The following TBC1D22A variants were observed in gnomAD, a reference collection of about 807,000 sequenced individuals.
The protein encoded by TBC1D22A is putative GTPase activator.
In TBC1D22A, 38 loss-of-function variants were observed where a neutral mutation model predicts 60.2. The observed-to-expected ratio is 0.63, with a 90% confidence interval of 0.49 to 0.83. TBC1D22A has a LOEUF of 0.83. Ranked by LOEUF, TBC1D22A falls within the 40% of genes least tolerant of loss-of-function variation. The pLI is 0.00. For synonymous variants in TBC1D22A, 302 were observed against 281.7 expected (o/e 1.07, Z -0.72); for missense variants, 628 against 701.0 (o/e 0.90, Z 1.18).
chr22:47,090,752 T>G (rs1020740570), intron 11 of TBC1D22A, among the ~76,000 whole-genome samples: 16 of 139,994 alleles, frequency 1.1e-4, no homozygotes, highest in South Asian at 2.4e-4. Flanking sequence ...GGGTGGCTGC[T>G]TGTTGATAGA....
intron 6 of TBC1D22A, among the ~76,000 whole-genome samples, chr22:46,892,733 A>G (rs1203180541): frequency 6.6e-6 from 1 of 152,236 alleles, no homozygotes; most frequent in Non-Finnish European, 1.5e-5. Flanking sequence ...ACTAGCATCT[A>G]TCTGCGAGTT....
At chr22:47,128,710 G>T (rs977959511) in intron 12 of TBC1D22A, among the ~76,000 whole-genome samples, 1 of 152,044 alleles carries the variant, frequency 6.6e-6, no homozygotes, top group African/African-American at 2.4e-5. Context: ...TGGAACCCAA[G>T]CCCGGTGGCC....
rs372504506 is a variant in TBC1D22A at position 47,166,427 on chromosome 22, T to C, written c.1426-7071T>C. Among the ~76,000 whole-genome samples, 21 of 152,348 alleles carry C rather than the reference T, an allele frequency of 1.4e-4. No homozygotes were observed. In the East Asian group the frequency reaches 3.5e-3, roughly 25 times the overall value. ...TACTATCATTTGAACCTAGAATCAA[T>C]ATAAAAATTATAAAAGAAATAGTTT... On this transcript the variant is annotated intron_variant, in intron 12 of 12. Transcript: ENST00000337137.
intron 5 of TBC1D22A, among the ~76,000 whole-genome samples, chr22:46,885,979 C>A (rs1162002276): frequency 6.7e-6 from 1 of 149,340 alleles, no homozygotes; most frequent in East Asian, 2.0e-4. Flanking sequence ...GCGATCTTGG[C>A]TCACTGCACG....
intron 8 of TBC1D22A, among the ~76,000 whole-genome samples, chr22:46,964,140 C>G (rs947825070): frequency 9.2e-5 from 14 of 152,208 alleles, no homozygotes; most frequent in Admixed American, 7.9e-4. Context: ...CTTGTTGGAG[C>G]CTTGGTTTCA....
intron 8 of TBC1D22A, among the ~76,000 whole-genome samples, chr22:46,935,854 C>G (rs546464377): frequency 6.9e-6 from 1 of 145,142 alleles, no homozygotes. Flanking sequence ...TGAACTCTGA[C>G]CCCGTGTCTC....
intron 10 of TBC1D22A, among the ~76,000 whole-genome samples, chr22:47,007,192 T>C (rs1050354290): frequency 2.0e-5 from 3 of 152,198 alleles, no homozygotes; most frequent in African/African-American, 7.2e-5. Context: ...TGAAGAGTTT[T>C]CTTCTGTGAT....
At chr22:47,111,044 C>T (rs544257931) in intron 11 of TBC1D22A, among the ~76,000 whole-genome samples, 6 of 152,212 alleles carry the variant, frequency 3.9e-5, no homozygotes, top group East Asian at 1.9e-4. Flanking sequence ...CAGGGAGACC[C>T]GGACCGGGTT....
chr22:46,795,681 G>A (rs548993944), intron 3 of TBC1D22A, among the ~76,000 whole-genome samples: 8 of 152,286 alleles, frequency 5.3e-5, no homozygotes, highest in African/African-American at 1.7e-4. Context: ...ATCATTTACT[G>A]TGTGGCAGGT....
In TBC1D22A at chr22:46,773,976, C is replaced by T. The variant is rs989489267; in HGVS notation, c.62+11128C>T. 21 of 985,444 alleles carry T rather than the reference C, an allele frequency of 2.1e-5. No individual in the cohort carries two copies. In the Admixed American group the frequency reaches 1.0e-3, roughly 49 times the overall value. 61.0% of individuals were successfully genotyped at this position (985,444 alleles called of 1,614,324 possible). A position where few individuals can be genotyped will look rare whatever the true frequency, so the allele number is the denominator to read the frequency against. On this transcript the variant is annotated intron_variant, in intron 1 of 12. Coordinates refer to ENST00000337137, the MANE Select transcript of TBC1D22A (RefSeq NM_014346.5). The stretch of plus-strand genomic sequence containing the variant: ...CAGCCTCATCCTTATCTCCTCCATT[C>T]CCTAGGGGACTTAACAGGTGTTGAA...
At chr22:47,004,295 TCATA>T (rs1282643931) in intron 10 of TBC1D22A, among the ~76,000 whole-genome samples, 1 of 146,444 alleles carries the variant, frequency 6.8e-6, no homozygotes, top group Non-Finnish European at 1.5e-5. Context: ...CACACAATCC[TCATA>T]CATACACAAC....
At chr22:46,770,215 C>T (rs763078370) in intron 1 of TBC1D22A, among the ~76,000 whole-genome samples, 13 of 152,142 alleles carry the variant, frequency 8.5e-5, no homozygotes, top group Non-Finnish European at 1.5e-4. Context: ...AGGAATGTGG[C>T]GCGGCTTCTA....
At chr22:47,088,735 G>T (rs2064800042) in intron 11 of TBC1D22A, among the ~76,000 whole-genome samples, 1 of 152,200 alleles carries the variant, frequency 6.6e-6, no homozygotes, top group South Asian at 2.1e-4. Flanking sequence ...CCACGAGAGG[G>T]AGCTTGCAGG....
chr22:46,985,741 G>T (rs1281936320), intron 9 of TBC1D22A, among the ~76,000 whole-genome samples: 1 of 152,274 alleles, frequency 6.6e-6, no homozygotes, highest in East Asian at 1.9e-4. Context: ...TCTTCTTCTA[G>T]TGGCCTGTTA....
intron 4 of TBC1D22A, among the ~76,000 whole-genome samples, chr22:46,863,117 A>G (rs1316523302): frequency 6.6e-6 from 1 of 152,082 alleles, no homozygotes; most frequent in Non-Finnish European, 1.5e-5. Flanking sequence ...TGCACTGGTC[A>G]TGGGTTAGGT....
intron 11 of TBC1D22A, among the ~76,000 whole-genome samples, chr22:47,093,266 C>T (rs2065048285): frequency 1.3e-5 from 2 of 152,220 alleles, no homozygotes. Flanking sequence ...TGATCCTGCG[C>T]CGAGTCTCCT....
At chr22:47,107,094 A>C (rs192469002) in intron 11 of TBC1D22A, among the ~76,000 whole-genome samples, 4 of 152,296 alleles carry the variant, frequency 2.6e-5, no homozygotes, top group African/African-American at 9.6e-5. Flanking sequence ...TAAAGATAAC[A>C]ATTCATTTTA....
At chr22:47,015,284 C>G (rs190719683) in intron 10 of TBC1D22A, among the ~76,000 whole-genome samples, 1 of 152,112 alleles carries the variant, frequency 6.6e-6, no homozygotes, top group African/African-American at 2.4e-5. Flanking sequence ...TAGAGGAGTG[C>G]GAGACTCCCG....
intron 4 of TBC1D22A, among the ~76,000 whole-genome samples, chr22:46,876,477 A>G (rs1394491719): frequency 2.0e-5 from 3 of 152,188 alleles, no homozygotes; most frequent in Admixed American, 6.5e-5. Context: ...TGCTTATCTC[A>G]GAACTCTGTT....
Sources: allele counts gnomAD v4.1 joint callset (sites outside exome capture counted in the v4.1 genomes callset), GRCh38; gene constraint gnomAD v4.1.1; transcripts MANE v1.5; gene names NCBI Gene and HGNC (gene_info 2026-07-23, HGNC 2026-07-21).